CLPB: variants seen among roughly 807,000 people sequenced by gnomAD.
CLPB encodes the protein ClpB family mitochondrial disaggregase, also known as mitochondrial disaggregase.
In CLPB, 40 loss-of-function variants were observed where a neutral mutation model predicts 78.4. The observed-to-expected ratio is 0.51, with a 90% confidence interval of 0.40 to 0.66. CLPB has a LOEUF of 0.66. Among genes scored for constraint, CLPB ranks in the 30% least tolerant of loss-of-function variants. The probability of loss-of-function intolerance (pLI) is 0.00; values close to 1 mark genes in which losing one functional copy is unlikely to be tolerated. For missense variants in CLPB, 780 were observed against 886.9 expected, an observed-to-expected ratio of 0.88 and a Z score of 1.53; for synonymous variants, 333 against 348.0, an observed-to-expected ratio of 0.96 and a Z score of 0.48.
chr11:72,352,475 C>T (rs1040081036), intron 5 of CLPB: 2 of 152,246 alleles, frequency 1.3e-5, no homozygotes, highest in East Asian at 3.8e-4. Flanking sequence ...AAGTATGCTG[C>T]TTCATACTCC....
intron 5 of CLPB, among the ~76,000 whole-genome samples, chr11:72,345,227 A>C (rs770091803): frequency 7.9e-5 from 12 of 152,260 alleles, no homozygotes; most frequent in Non-Finnish European, 1.5e-4. Flanking sequence ...ATATATATGC[A>C]TAAGGTTATT....
intron 2 of CLPB, chr11:72,408,081 G>C: frequency 6.7e-7 from 1 of 1,490,972 alleles, no homozygotes. Context: ...AAATATAAAG[G>C]AAAGGGCTCT....
chr11:72,301,682 A>G, intron 11 of CLPB, 121 bp downstream of exon 11: 2 of 1,086,234 alleles, frequency 1.8e-6, no homozygotes, highest in South Asian at 3.0e-5. Context: ...ATGAATGTAC[A>G]CATGCGGGAG....
intron 5 of CLPB, among the ~76,000 whole-genome samples, chr11:72,343,099 C>T (rs1450770324): frequency 1.3e-5 from 2 of 152,214 alleles, no homozygotes; most frequent in African/African-American, 4.8e-5. Context: ...TTTGCTTCCA[C>T]TTACACATCT....
Position 72,317,226 on chromosome 11 carries a change from G to C in CLPB, c.874-6C>G. 5.6e-6 allele frequency: 9 copies of C among 1,601,716 alleles called. No homozygotes were observed. The highest frequency in any genetic ancestry group is 7.7e-6 in the Non-Finnish European group (9 of 1,173,884). ...TTCCGCTGCTTCTCTTGGTACTGTGGGGAGAGAGGGCAAATGGTTGAGGGC... is the reference window on the plus strand; with the variant it reads ...TTCCGCTGCTTCTCTTGGTACTGTGCGGAGAGAGGGCAAATGGTTGAGGGC... On this transcript the variant is annotated splice_polypyrimidine_tract_variant and splice_region_variant and intron_variant, in intron 6 of 15. Transcript: ENST00000538039.
In CLPB at chr11:72,358,787, C is replaced by A. The variant is rs541536926; in HGVS notation, c.775+93G>T. 2.9e-5 allele frequency: 25 copies of A among 864,500 alleles called. No individual in the cohort carries two copies. The African/African-American group carries it at 3.5e-4, about 12-fold the overall frequency. 53.6% of individuals were successfully genotyped at this position (864,500 alleles called of 1,614,324 possible). A position where few individuals can be genotyped will look rare whatever the true frequency, so the allele number is the denominator to read the frequency against. ...GTGAGGCTGCCAAGTACTCTCTCCCCCTGCCAAGCCCCATCCCACCCCTCC... is the reference window on the plus strand; with the variant it reads ...GTGAGGCTGCCAAGTACTCTCTCCCACTGCCAAGCCCCATCCCACCCCTCC... On this transcript the variant is annotated intron_variant, in intron 5 of 15. Coordinates refer to ENST00000538039, the MANE Select transcript of CLPB (RefSeq NM_001258392.3).
chr11:72,359,086 T>C, intron 4 of CLPB, 78 bp from the exon 5 acceptor site: 1 of 1,602,792 alleles, frequency 6.2e-7, no homozygotes, highest in Non-Finnish European at 8.5e-7. Flanking sequence ...TCTAGTGGCA[T>C]TTTAATTCAC....
chr11:72,351,679 C>T lies in CLPB; in HGVS notation c.775+7201G>A, dbSNP rs528229456. On this transcript the variant is annotated intron_variant, in intron 5 of 15. Transcript: ENST00000538039. ...CTCCACCTCTCAGGTTCAAGTGATT[C>T]TCCTGCCTCAGCCTCCCAAGTAGCT... Among the ~76,000 whole-genome samples the T allele has an allele frequency of 6.6e-5, 10 of 152,324 alleles. No homozygotes were observed. In the South Asian group the frequency reaches 2.1e-3, roughly 32 times the overall value.
At chr11:72,294,259 AGTCCAGT>A in intron 14 of CLPB, 59 bp downstream of exon 14, 1 of 1,613,194 alleles carries the variant, frequency 6.2e-7, no homozygotes, top group Non-Finnish European at 8.5e-7. Context: ...GGGTGCCCCC[AGTCCAGT>A]GTTCCAGATT....
intron 3 of CLPB, among the ~76,000 whole-genome samples, chr11:72,385,028 C>T (rs1019839628): frequency 1.4e-4 from 22 of 152,220 alleles, no homozygotes; most frequent in Admixed American, 1.2e-3. Context: ...ACTTAAGCTA[C>T]ACTTTAGACT....
chr11:72,399,005 C>T (rs545073030), intron 3 of CLPB, among the ~76,000 whole-genome samples: 2 of 152,062 alleles, frequency 1.3e-5, no homozygotes, highest in South Asian at 2.1e-4. Context: ...TAGCACCTGA[C>T]ACCACAGAGT....
At chr11:72,384,676 T>C (rs988313422) in intron 3 of CLPB, among the ~76,000 whole-genome samples, 11 of 152,002 alleles carry the variant, frequency 7.2e-5, no homozygotes, top group African/African-American at 2.4e-4. Context: ...AGGACACACA[T>C]AGACTAAATA....
At chr11:72,369,623 AT>A (rs1951006394) in intron 4 of CLPB, among the ~76,000 whole-genome samples, 1 of 152,216 alleles carries the variant, frequency 6.6e-6, no homozygotes, top group Non-Finnish European at 1.5e-5. Flanking sequence ...AAAACTCGCA[AT>A]AAAAAACAAA....
Position 72,356,525 on chromosome 11 carries a change from A to G in CLPB, c.775+2355T>C, listed in dbSNP as rs1261934982. On this transcript the variant is annotated intron_variant, in intron 5 of 15. Coordinates refer to ENST00000538039, the MANE Select transcript of CLPB (RefSeq NM_001258392.3). ...AGCCTGCAGGCCCTGAGTGACGGCA[A>G]CTTGTTCAGGGTTGGGAGGGAGAAA... 2.0e-5 allele frequency among the ~76,000 whole-genome samples: 3 copies of G among 152,280 alleles called. No homozygotes were observed. In the East Asian group the frequency reaches 5.8e-4, roughly 29 times the overall value.
At chr11:72,293,717 G>T in intron 15 of CLPB, 102 bp from the exon 16 acceptor site, 1 of 1,384,538 alleles carries the variant, frequency 7.2e-7, no homozygotes, top group Non-Finnish European at 9.7e-7. Flanking sequence ...CCTCCTTTGA[G>T]CCTGAGCCTC....
chr11:72,409,748 C>T (rs1193257776), intron 2 of CLPB, among the ~76,000 whole-genome samples: 3 of 152,078 alleles, frequency 2.0e-5, no homozygotes, highest in East Asian at 3.9e-4. Context: ...AAGACGGAGG[C>T]GGGTGGATTA....
At chr11:72,392,092 C>A (rs1008376870) in intron 3 of CLPB, among the ~76,000 whole-genome samples, 2 of 151,884 alleles carry the variant, frequency 1.3e-5, no homozygotes. Flanking sequence ...AGACGGCTGG[C>A]GAGCAGCTGG....
chr11:72,404,693 G>A (rs530761787), intron 2 of CLPB, among the ~76,000 whole-genome samples: 1 of 152,260 alleles, frequency 6.6e-6, no homozygotes, highest in Admixed American at 6.5e-5. Context: ...GTGAGGGAGG[G>A]GAAGGAGTGT....
intron 3 of CLPB, among the ~76,000 whole-genome samples, chr11:72,399,864 T>A (rs575322171): frequency 6.6e-6 from 1 of 152,206 alleles, no homozygotes; most frequent in African/African-American, 2.4e-5. Flanking sequence ...ATTGATTATA[T>A]GAAAATCAGT....
Sources: gnomAD v4.1 joint callset for allele counts (sites outside exome capture counted in the v4.1 genomes callset) on GRCh38, gnomAD v4.1.1 for gene constraint, MANE v1.5 for transcripts, NCBI Gene and HGNC (gene_info 2026-07-23, HGNC 2026-07-21) for gene names.